Variants in MYT1L observed in about 807,000 individuals in gnomAD.
MYT1L encodes the protein myelin transcription factor 1 like.
In MYT1L, 12 loss-of-function variants were observed where a neutral mutation model predicts 126.7. The ratio of observed to expected loss-of-function variants is 0.09; its 90% CI spans 0.06 to 0.15. MYT1L has a LOEUF of 0.15. Among genes scored for constraint, MYT1L ranks in the 10% least tolerant of loss-of-function variants. The pLI is 1.00. For synonymous variants in MYT1L, 541 were observed against 604.2 expected (o/e 0.90, Z 1.53); for missense variants, 979 against 1,585.2 (o/e 0.62, Z 6.49).
At chr2:1,798,182 CGG>C (rs2034126746) in intron 23 of MYT1L, among the ~76,000 whole-genome samples, 2 of 43,678 alleles carry the variant, frequency 4.6e-5, no homozygotes, top group South Asian at 3.9e-3. Context: ...GGCACAGGCG[CGG>C]CGGTCTCCCT....
chr2:1,946,835 T>C (rs569118913), intron 8 of MYT1L, among the ~76,000 whole-genome samples: 8 of 152,108 alleles, frequency 5.3e-5, no homozygotes, highest in Non-Finnish European at 1.2e-4. Flanking sequence ...CCGGACAACC[T>C]GTCAAGTCTA....
At chr2:1,813,129 C>T (rs2148034030) in intron 21 of MYT1L, among the ~76,000 whole-genome samples, 1 of 152,310 alleles carries the variant, frequency 6.6e-6, no homozygotes, top group South Asian at 2.1e-4. Flanking sequence ...GCAGCCCTTT[C>T]GACTTTCCCT....
At chr2:2,076,652 G>T (rs1446332090) in intron 3 of MYT1L, among the ~76,000 whole-genome samples, 2 of 152,118 alleles carry the variant, frequency 1.3e-5, no homozygotes, top group African/African-American at 4.8e-5. Context: ...AAGCAACAAG[G>T]AAAACAAAAC....
At chr2:1,899,275 G>A (rs1348786803) in intron 14 of MYT1L, among the ~76,000 whole-genome samples, 1 of 152,258 alleles carries the variant, frequency 6.6e-6, no homozygotes, top group Non-Finnish European at 1.5e-5. Context: ...TGCCCGCCAA[G>A]CCCTGAGGGC....
At chr2:2,196,620 G>C (rs2092810856) in intron 2 of MYT1L, among the ~76,000 whole-genome samples, 2 of 151,796 alleles carry the variant, frequency 1.3e-5, no homozygotes, top group South Asian at 4.1e-4. Flanking sequence ...CAAATAGGGG[G>C]AAGTAGTTGG....
intron 2 of MYT1L, among the ~76,000 whole-genome samples, chr2:2,250,535 G>A (rs2094617570): frequency 6.6e-6 from 1 of 151,174 alleles, no homozygotes; most frequent in Non-Finnish European, 1.5e-5. Context: ...GGGCCAGGCG[G>A]GGAAGTGGGG....
At chr2:2,159,814 G>C (rs910702353) in intron 3 of MYT1L, among the ~76,000 whole-genome samples, 4 of 151,986 alleles carry the variant, frequency 2.6e-5, no homozygotes, top group Admixed American at 2.6e-4. Context: ...TTAAATTGTT[G>C]ATCATTTGCA....
chr2:2,102,996 G>C (rs2078285626), intron 3 of MYT1L, among the ~76,000 whole-genome samples: 1 of 151,988 alleles, frequency 6.6e-6, no homozygotes. Context: ...AGGGAAGTAG[G>C]AGACACAGCA....
intron 2 of MYT1L, among the ~76,000 whole-genome samples, chr2:2,247,073 T>C (rs1023712353): frequency 4.0e-5 from 6 of 151,892 alleles, no homozygotes; most frequent in Admixed American, 3.9e-4. Flanking sequence ...TGGATTAAAC[T>C]CTCCAATCAA....
intron 3 of MYT1L, among the ~76,000 whole-genome samples, chr2:2,056,895 T>C (rs2069644280): frequency 6.6e-6 from 1 of 152,240 alleles, no homozygotes; most frequent in Non-Finnish European, 1.5e-5. Flanking sequence ...TGGGTTTTTC[T>C]TTACGGCATT....
intron 1 of MYT1L, among the ~76,000 whole-genome samples, chr2:2,304,959 G>A (rs2095839630): frequency 1.3e-5 from 2 of 152,184 alleles, no homozygotes; most frequent in Admixed American, 1.3e-4. Flanking sequence ...TACTTTCAGT[G>A]TACAATACAT....
chr2:2,073,774 C>T (rs1319731659), intron 3 of MYT1L, among the ~76,000 whole-genome samples: 1 of 152,156 alleles, frequency 6.6e-6, no homozygotes, highest in Non-Finnish European at 1.5e-5. Context: ...TTGGAGCGTT[C>T]TTTCTCCCTC....
chr2:2,264,563 G>T (rs1026960276), intron 2 of MYT1L, among the ~76,000 whole-genome samples: 1 of 152,140 alleles, frequency 6.6e-6, no homozygotes, highest in Admixed American at 6.5e-5. Context: ...ATTCTGCGGG[G>T]TTGGCTTCGA....
At chr2:2,320,886 C>T (rs1039555133) in intron 1 of MYT1L, among the ~76,000 whole-genome samples, 5 of 152,174 alleles carry the variant, frequency 3.3e-5, no homozygotes, top group Non-Finnish European at 7.3e-5. Flanking sequence ...ATCATTTCCC[C>T]CTCGCTCCTG....
At chr2:2,274,937 G>A (rs2095329373) in intron 2 of MYT1L, among the ~76,000 whole-genome samples, 3 of 152,092 alleles carry the variant, frequency 2.0e-5, no homozygotes, top group Non-Finnish European at 4.4e-5. Context: ...CAGCAAACAC[G>A]TATTGATCCC....
chr2:2,166,927 T>C (rs1217203290), intron 3 of MYT1L, among the ~76,000 whole-genome samples: 1 of 152,246 alleles, frequency 6.6e-6, no homozygotes, highest in Non-Finnish European at 1.5e-5. Flanking sequence ...GTTCTTAAAA[T>C]CTTTCTGCAT....
intron 1 of MYT1L, among the ~76,000 whole-genome samples, chr2:2,289,968 G>A (rs6706445): frequency 6.6e-6 from 1 of 152,182 alleles, no homozygotes; most frequent in Non-Finnish European, 1.5e-5. Flanking sequence ...TATGCTGAGA[G>A]GAAATGTGCT....
intron 3 of MYT1L, among the ~76,000 whole-genome samples, chr2:2,095,915 G>C (rs375319940): frequency 2.4e-4 from 37 of 152,174 alleles, no homozygotes; most frequent in East Asian, 1.7e-3. Flanking sequence ...GCAGAGCTTT[G>C]CTTTGCGAGT....
At chr2:1,954,503 T>A (rs1226340607) in intron 8 of MYT1L, among the ~76,000 whole-genome samples, 6 of 152,164 alleles carry the variant, frequency 3.9e-5, no homozygotes, top group Admixed American at 6.5e-5. Flanking sequence ...ACACTGAACG[T>A]CAGCACAGCA....
Sources: gnomAD v4.1 joint callset for allele counts (sites outside exome capture counted in the v4.1 genomes callset) on GRCh38, gnomAD v4.1.1 for gene constraint, MANE v1.5 for transcripts, NCBI Gene and HGNC (gene_info 2026-07-23, HGNC 2026-07-21) for gene names.